KCNIP4: variants seen among roughly 807,000 people sequenced by gnomAD.
KCNIP4 encodes Kv channel-interacting protein 4.
KCNIP4 carries 12 observed loss-of-function variants against 34.0 expected under a neutral mutation model. The observed-to-expected ratio is 0.35, with a 90% confidence interval of 0.23 to 0.57. The LOEUF (loss-of-function observed/expected upper bound fraction) is 0.57, where lower values mean the gene tolerates loss of function less well. KCNIP4 is among the 20% of genes least tolerant of loss of function. The pLI is 0.83. For synonymous variants in KCNIP4, 124 were observed against 102.2 expected, an observed-to-expected ratio of 1.21 and a Z score of -1.29; for missense variants, 238 against 311.7, an observed-to-expected ratio of 0.76 and a Z score of 1.78.
chr4:21,715,120 G>A lies in KCNIP4; in HGVS notation c.61+233451C>T, dbSNP rs376858826. ...TTTTGAGATGGAGTCTGGCTGTGTC[G>A]CCCAGGCTGGAGTGCAGTGGCCCCA... On this transcript the variant is annotated intron_variant, in intron 1 of 8. Transcript: ENST00000382152. Among the ~76,000 whole-genome samples the A allele has an allele frequency of 4.8e-4, 70 of 144,826 alleles. 11 individuals are homozygous for A. The South Asian group carries it at 0.013, about 28-fold the overall frequency.
intron 1 of KCNIP4, among the ~76,000 whole-genome samples, chr4:21,016,120 A>G (rs1276828548): frequency 3.3e-5 from 5 of 150,412 alleles, no homozygotes; most frequent in African/African-American, 1.2e-4. Context: ...TGTAATCTTC[A>G]TTTGCACGAT....
At chr4:20,845,083 C>A (rs1720202830) in intron 3 of KCNIP4, among the ~76,000 whole-genome samples, 1 of 152,072 alleles carries the variant, frequency 6.6e-6, no homozygotes, top group Admixed American at 6.6e-5. Context: ...ACCTATGTGA[C>A]CCCCAGTGAG....
At chr4:21,900,968 T>C (rs2323161) in intron 1 of KCNIP4, among the ~76,000 whole-genome samples, 90,317 of 152,042 alleles carry the variant, frequency 0.59, 29,448 homozygotes, top group Admixed American at 0.75. Context: ...ATAAATACTG[T>C]TTCAATGAAT....
intron 5 of KCNIP4, among the ~76,000 whole-genome samples, chr4:20,736,871 A>G (rs1383401691): frequency 6.6e-6 from 1 of 152,198 alleles, no homozygotes; most frequent in African/African-American, 2.4e-5. Flanking sequence ...AAGAAAAACA[A>G]ACTTGGAGGA....
intron 1 of KCNIP4, among the ~76,000 whole-genome samples, chr4:21,211,759 T>A (rs1757239644): frequency 6.6e-6 from 1 of 152,156 alleles, no homozygotes; most frequent in East Asian, 1.9e-4. Flanking sequence ...CCCTCTGAGT[T>A]AGGGACACAA....
intron 8 of KCNIP4, 130 bp downstream of exon 8, chr4:20,731,876 C>A: frequency 6.9e-7 from 1 of 1,448,270 alleles, no homozygotes; most frequent in Non-Finnish European, 9.1e-7. Flanking sequence ...GCTTATGCTG[C>A]ATGTTGTAGA....
intron 1 of KCNIP4, among the ~76,000 whole-genome samples, chr4:21,264,346 C>G (rs1761663848): frequency 6.6e-6 from 1 of 152,188 alleles, no homozygotes; most frequent in African/African-American, 2.4e-5. Context: ...GCCAAGTATG[C>G]ACTTGATACA....
intron 1 of KCNIP4, among the ~76,000 whole-genome samples, chr4:21,067,367 G>A (rs144258742): frequency 6.0e-4 from 92 of 152,140 alleles, no homozygotes; most frequent in African/African-American, 1.7e-3. Flanking sequence ...TCTGCCTGAG[G>A]AAGGGAGAGG....
intron 1 of KCNIP4, among the ~76,000 whole-genome samples, chr4:21,182,041 A>C (rs1754879785): frequency 6.6e-6 from 1 of 152,164 alleles, no homozygotes; most frequent in Non-Finnish European, 1.5e-5. Flanking sequence ...AATTATGACT[A>C]TAGCTTCACT....
At chr4:21,145,024 A>G (rs1752251060) in intron 1 of KCNIP4, among the ~76,000 whole-genome samples, 1 of 152,242 alleles carries the variant, frequency 6.6e-6, no homozygotes, top group Admixed American at 6.5e-5. Flanking sequence ...ACATTTATTC[A>G]GAATGAGAAA....
intron 1 of KCNIP4, among the ~76,000 whole-genome samples, chr4:21,107,623 T>A (rs1748698254): frequency 6.6e-6 from 1 of 150,540 alleles, no homozygotes; most frequent in African/African-American, 2.5e-5. Context: ...TTGTTATGTA[T>A]GAATTTGATC....
At position 21,928,850 on chromosome 4, in the gene KCNIP4, C is replaced by A. The variant is rs1300351302; in HGVS notation, c.61+19721G>T. Among the ~76,000 whole-genome samples, 4 of 151,360 alleles carry A rather than the reference C, an allele frequency of 2.6e-5. No homozygotes were observed. The East Asian group carries it at 8.0e-4, about 30-fold the overall frequency. ...AATGTCCCCAAGAAGAGACTCAATA[C>A]CCCATATTCCTTCCCGAGATCAACC... On this transcript the variant is annotated intron_variant, in intron 1 of 8. Transcript: ENST00000382152.
chr4:21,129,359 T>C (rs1460285672), intron 1 of KCNIP4, among the ~76,000 whole-genome samples: 1 of 152,202 alleles, frequency 6.6e-6, no homozygotes, highest in African/African-American at 2.4e-5. Flanking sequence ...CAGGACAAAG[T>C]AGACACTCAA....
intron 1 of KCNIP4, among the ~76,000 whole-genome samples, chr4:21,296,715 A>G (rs970632197): frequency 2.0e-5 from 3 of 151,982 alleles, no homozygotes; most frequent in African/African-American, 7.2e-5. Flanking sequence ...CTTCCCTATG[A>G]GAACTGAAAC....
intron 1 of KCNIP4, among the ~76,000 whole-genome samples, chr4:21,210,572 T>C (rs1002833927): frequency 1.3e-5 from 2 of 152,214 alleles, no homozygotes; most frequent in South Asian, 4.1e-4. Flanking sequence ...AAGTAGGTTT[T>C]ATCTAATAAC....
At chr4:21,622,617 T>C (rs1459338252) in intron 1 of KCNIP4, among the ~76,000 whole-genome samples, 1 of 152,146 alleles carries the variant, frequency 6.6e-6, no homozygotes, top group East Asian at 1.9e-4. Context: ...GCATGACTTC[T>C]GCATATAAAG....
At chr4:20,875,464 C>A (rs1196879019) in intron 2 of KCNIP4, among the ~76,000 whole-genome samples, 1 of 152,166 alleles carries the variant, frequency 6.6e-6, no homozygotes, top group Non-Finnish European at 1.5e-5. Context: ...CTGTACCAGA[C>A]ACATAGTAAG....
chr4:21,633,463 A>G (rs1362056523), intron 1 of KCNIP4, among the ~76,000 whole-genome samples: 2 of 151,072 alleles, frequency 1.3e-5, no homozygotes, highest in Non-Finnish European at 3.0e-5. Flanking sequence ...TTTCTAGAGT[A>G]CTGGGAGGTT....
intron 1 of KCNIP4, among the ~76,000 whole-genome samples, chr4:21,809,838 C>T (rs767929663): frequency 5.3e-5 from 8 of 152,176 alleles, no homozygotes; most frequent in Non-Finnish European, 1.2e-4. Context: ...ACAGGTCAGA[C>T]TTATATTAGC....
Sources: gnomAD v4.1 joint callset for allele counts (sites outside exome capture counted in the v4.1 genomes callset) on GRCh38, gnomAD v4.1.1 for gene constraint, MANE v1.5 for transcripts, NCBI Gene and HGNC (gene_info 2026-07-23, HGNC 2026-07-21) for gene names.